FMN2: variants seen among roughly 807,000 people sequenced by gnomAD.
FMN2 encodes formin 2.
Under a neutral mutation model 142.3 loss-of-function variants are expected in FMN2, and 51 were observed. The observed-to-expected ratio is 0.36, with a 90% CI of 0.29 to 0.45. The LOEUF (loss-of-function observed/expected upper bound fraction) is 0.45, where lower values mean the gene tolerates loss of function less well. FMN2 is among the 20% of genes least tolerant of loss of function. The probability of loss-of-function intolerance (pLI) is 1.00; values close to 1 mark genes in which losing one functional copy is unlikely to be tolerated. For missense variants in FMN2, 1,936 were observed against 2,122.8 expected (o/e 0.91, Z 1.73); for synonymous variants, 882 against 869.8 (o/e 1.01, Z -0.25).
chr1:240,300,415 G>A (rs1233398706), intron 8 of FMN2, among the ~76,000 whole-genome samples: 1 of 152,096 alleles, frequency 6.6e-6, no homozygotes, highest in African/African-American at 2.4e-5. Flanking sequence ...TACAAATATA[G>A]GAACATTAAG....
chr1:240,404,184 A>C (rs1461789350), intron 15 of FMN2, among the ~76,000 whole-genome samples: 1 of 152,206 alleles, frequency 6.6e-6, no homozygotes, highest in Non-Finnish European at 1.5e-5. Context: ...GAAAATATTT[A>C]ATCGGTTCTG....
rs199799762 is a variant in FMN2 at position 240,208,114 on chromosome 1, C to T, written c.3302C>T (p.Pro1101Leu). 5.2e-4 allele frequency: 617 copies of T among 1,189,030 alleles called. 16 individuals are homozygous for T. In the African/African-American group the frequency reaches 0.012, roughly 24 times the overall value. The allele number at this position is 1,189,030 out of a possible 1,614,324, so 73.7% of individuals were successfully genotyped here. A position where few individuals can be genotyped will look rare whatever the true frequency, so the allele number is the denominator to read the frequency against. ...LPGAGIPPPP[P>L]LPGVGIPPPP... is the part of the protein sequence containing the mutation. Reference sequence around the variant, plus strand: ...GGAGCGGGCATACCCCCTCCGCCCCCTCTACCCGGAGTGGGCATACCTCCT... The same window carrying T: ...GGAGCGGGCATACCCCCTCCGCCCCTTCTACCCGGAGTGGGCATACCTCCT... The change falls in exon 5 of 18, where the codon CCT becomes CTT. Residue 1101 changes from proline to leucine, a missense_variant. Pro to Leu is a moderately conservative substitution (Grantham distance 98). Coordinates refer to ENST00000319653, the MANE Select transcript of FMN2 (RefSeq NM_020066.5).
intron 14 of FMN2, among the ~76,000 whole-genome samples, chr1:240,359,246 T>C (rs547177265): frequency 3.3e-4 from 50 of 152,340 alleles, no homozygotes; most frequent in African/African-American, 1.2e-3. Flanking sequence ...AATGCCATCT[T>C]AGCACAAATA....
At chr1:240,384,524 T>TC (rs1256948773) in intron 14 of FMN2, among the ~76,000 whole-genome samples, 1 of 152,126 alleles carries the variant, frequency 6.6e-6, no homozygotes, top group Non-Finnish European at 1.5e-5. Context: ...GTGTCTTTTT[T>TC]CCCACTGTTC....
chr1:240,241,663 C>G (rs1048828987), intron 6 of FMN2, among the ~76,000 whole-genome samples: 3 of 152,108 alleles, frequency 2.0e-5, no homozygotes, highest in African/African-American at 7.2e-5. Flanking sequence ...TTTAATTACT[C>G]TATTCAACTT....
At chr1:240,223,593 G>A (rs1019619149) in intron 6 of FMN2, among the ~76,000 whole-genome samples, 5 of 152,070 alleles carry the variant, frequency 3.3e-5, no homozygotes, top group African/African-American at 1.2e-4. Flanking sequence ...GGTAAAATTC[G>A]GCTGTGAATC....
chr1:240,461,056 G>A (rs1204219139), intron 16 of FMN2, among the ~76,000 whole-genome samples: 2 of 152,168 alleles, frequency 1.3e-5, no homozygotes, highest in Non-Finnish European at 2.9e-5. Context: ...CCAACCGCAA[G>A]CTCTCCGCTT....
intron 11 of FMN2, among the ~76,000 whole-genome samples, chr1:240,331,913 A>G (rs1436748390): frequency 6.6e-6 from 1 of 152,216 alleles, no homozygotes; most frequent in Non-Finnish European, 1.5e-5. Flanking sequence ...GCAAGTGAAA[A>G]ACAGAATGGT....
At chr1:240,124,160 A>T (rs1662407398) in intron 2 of FMN2, among the ~76,000 whole-genome samples, 1 of 152,238 alleles carries the variant, frequency 6.6e-6, no homozygotes, top group African/African-American at 2.4e-5. Flanking sequence ...CGCTATGAAC[A>T]TGAGGTACAA....
intron 15 of FMN2, among the ~76,000 whole-genome samples, chr1:240,398,561 A>T (rs534353571): frequency 6.6e-6 from 1 of 152,198 alleles, no homozygotes; most frequent in Non-Finnish European, 1.5e-5. Context: ...CAAAAGTAAA[A>T]ATAAGAATAA....
At chr1:240,147,794 C>T (rs1186666782) in intron 2 of FMN2, among the ~76,000 whole-genome samples, 1 of 152,202 alleles carries the variant, frequency 6.6e-6, no homozygotes. Context: ...TCATCTTATG[C>T]TATTCTGTGT....
intron 16 of FMN2, among the ~76,000 whole-genome samples, chr1:240,463,672 T>C (rs1441022386): frequency 6.6e-6 from 1 of 152,072 alleles, no homozygotes; most frequent in Admixed American, 6.5e-5. Flanking sequence ...AACTCAGAAG[T>C]TCTCTGAAAA....
At chr1:240,469,384 G>T (rs1572346652) in intron 16 of FMN2, among the ~76,000 whole-genome samples, 1 of 152,278 alleles carries the variant, frequency 6.6e-6, no homozygotes, top group Admixed American at 6.5e-5. Context: ...CAGCTGCCCA[G>T]GTCATTTATG....
intron 2 of FMN2, among the ~76,000 whole-genome samples, chr1:240,141,454 G>T (rs1663180193): frequency 6.6e-6 from 1 of 151,882 alleles, no homozygotes; most frequent in Non-Finnish European, 1.5e-5. Context: ...TGCAAACTCT[G>T]CCCCCACGGT....
intron 4 of FMN2, among the ~76,000 whole-genome samples, chr1:240,193,170 A>T (rs973386294): frequency 6.6e-6 from 1 of 152,180 alleles, no homozygotes; most frequent in Non-Finnish European, 1.5e-5. Context: ...GAGAAAGGCA[A>T]ACAGTCCAAG....
intron 15 of FMN2, among the ~76,000 whole-genome samples, chr1:240,414,518 A>G (rs757963614): frequency 6.6e-6 from 1 of 152,248 alleles, no homozygotes; most frequent in South Asian, 2.1e-4. Context: ...AATTAATAAA[A>G]TATTGGCATT....
chr1:240,462,804 G>T (rs1479277465), intron 16 of FMN2, among the ~76,000 whole-genome samples: 1 of 152,076 alleles, frequency 6.6e-6, no homozygotes, highest in East Asian at 1.9e-4. Context: ...TGAAAATCTG[G>T]GGGGGAAAGA....
intron 7 of FMN2, among the ~76,000 whole-genome samples, chr1:240,282,844 C>T (rs1669448581): frequency 6.6e-6 from 1 of 152,100 alleles, no homozygotes; most frequent in African/African-American, 2.4e-5. Flanking sequence ...CGTAACTAAG[C>T]CAAGCAAAAT....
rs574501958 is a variant in FMN2, at chr1:240,157,084, T to C, written c.1783-20837T>C. On this transcript the variant is annotated intron_variant, in intron 2 of 17. Coordinates refer to ENST00000319653, the MANE Select transcript of FMN2 (RefSeq NM_020066.5). Reference sequence around the variant, plus strand: ...CTTAGCAATAAAAGGCATTTAACTATTGACTTTAAAAAGTCTACCGCACAG... The same window carrying C: ...CTTAGCAATAAAAGGCATTTAACTACTGACTTTAAAAAGTCTACCGCACAG... Among the ~76,000 whole-genome samples the C allele has an allele frequency of 3.3e-5, 5 of 152,346 alleles. No homozygotes were observed. In the East Asian group the frequency reaches 9.6e-4, roughly 29 times the overall value.
Sources: gnomAD v4.1 joint callset for allele counts (sites outside exome capture counted in the v4.1 genomes callset) on GRCh38, gnomAD v4.1.1 for gene constraint, MANE v1.5 for transcripts, NCBI Gene and HGNC (gene_info 2026-07-23, HGNC 2026-07-21) for gene names.